Variants in ELAVL4 observed in about 807,000 individuals in gnomAD.
ELAVL4 encodes ELAV-like protein 4.
Under a neutral mutation model 35.6 loss-of-function variants are expected in ELAVL4, and 1 was observed. The ratio of observed to expected loss-of-function variants is 0.03; its 90% CI spans 0.01 to 0.13. The LOEUF is 0.13. ELAVL4 is among the 10% of genes least tolerant of loss of function. The pLI is 1.00. For synonymous variants in ELAVL4, 156 were observed against 171.0 expected (o/e 0.91, Z 0.69); for missense variants, 267 against 464.9 (o/e 0.57, Z 3.91).
intron 2 of ELAVL4, among the ~76,000 whole-genome samples, chr1:50,150,338 C>A (rs1054142750): frequency 6.6e-6 from 1 of 152,150 alleles, no homozygotes; most frequent in Non-Finnish European, 1.5e-5. Flanking sequence ...AAGAATAAGG[C>A]CAAATAAATG....
intron 4 of ELAVL4, among the ~76,000 whole-genome samples, chr1:50,194,605 G>T (rs1309572767): frequency 6.6e-6 from 1 of 152,192 alleles, no homozygotes; most frequent in Non-Finnish European, 1.5e-5. Flanking sequence ...CTTCACAGAA[G>T]TCTGCTCTGC....
intron 1 of ELAVL4, among the ~76,000 whole-genome samples, chr1:50,097,520 A>G (rs1342846587): frequency 6.6e-6 from 1 of 152,080 alleles, no homozygotes; most frequent in Non-Finnish European, 1.5e-5. Flanking sequence ...CAGAGAGGAG[A>G]AGTGGTTTGC....
At chr1:50,083,518 C>T (rs1665101808) in intron 1 of ELAVL4, among the ~76,000 whole-genome samples, 1 of 152,316 alleles carries the variant, frequency 6.6e-6, no homozygotes, top group African/African-American at 2.4e-5. Context: ...GACTTCAAAG[C>T]TCCTTCCTCT....
intron 1 of ELAVL4, among the ~76,000 whole-genome samples, chr1:50,088,586 G>T (rs761201955): frequency 6.6e-6 from 1 of 152,070 alleles, no homozygotes; most frequent in Non-Finnish European, 1.5e-5. Flanking sequence ...ATTCAATCTC[G>T]GACAAAGTAA....
At chr1:50,127,903 T>C (rs1211945565) in intron 1 of ELAVL4, among the ~76,000 whole-genome samples, 2 of 152,206 alleles carry the variant, frequency 1.3e-5, no homozygotes, top group Non-Finnish European at 2.9e-5. Flanking sequence ...AGTGATTATG[T>C]GATAATTTAT....
intron 2 of ELAVL4, among the ~76,000 whole-genome samples, chr1:50,154,120 T>C (rs531599807): frequency 4.5e-4 from 68 of 152,362 alleles, no homozygotes; most frequent in African/African-American, 1.6e-3. Flanking sequence ...TAAATGGGGA[T>C]ACCACCTTTG....
intron 3 of ELAVL4, among the ~76,000 whole-genome samples, chr1:50,193,414 C>T (rs1682977398): frequency 6.7e-6 from 1 of 149,112 alleles, no homozygotes; most frequent in Non-Finnish European, 1.5e-5. Context: ...GTGTTGGATA[C>T]AGTAAATCAT....
chr1:50,158,409 T>TTGTG (rs141113225), intron 2 of ELAVL4, among the ~76,000 whole-genome samples: 1 of 150,912 alleles, frequency 6.6e-6, no homozygotes, highest in Admixed American at 6.6e-5. Flanking sequence ...GATACTCTGT[T>TTGTG]TGTGTGTGTG....
At chr1:50,103,840 C>T (rs1666112318), upstream of ELAVL4, 15 of 1,485,062 alleles carry the variant, frequency 1.0e-5, no homozygotes, top group Non-Finnish European at 1.3e-5. Flanking sequence ...AGAGGTAATC[C>T]AGACAGCCGG....
chr1:50,201,043 G>A lies in ELAVL4; in HGVS notation c.966G>A (p.Lys322=). Residue 322 remains lysine, a synonymous_variant, in exon 7 of 7, where the codon AAG becomes AAA. Coordinates refer to ENST00000371824, the MANE Select transcript of ELAVL4 (RefSeq NM_001144774.3). The surrounding 1 kb of genome is among the most constrained non-coding windows in gnomAD (Gnocchi z 4.3). ...TGATTCGTGACTTCAACACCAACAA[G>A]TGCAAGGGATTCGGCTTTGTCACCA... ...VKVIRDFNTN[K]CKGFGFVTMT... 6.2e-7 allele frequency: 1 copy of A among 1,614,094 alleles called. No individual in the cohort carries two copies. The highest frequency in any genetic ancestry group is 8.5e-7 in the Non-Finnish European group (1 of 1,179,986).
chr1:50,064,758 C>T (rs1387574022), intron 1 of ELAVL4, among the ~76,000 whole-genome samples: 2 of 152,228 alleles, frequency 1.3e-5, no homozygotes, highest in African/African-American at 4.8e-5. Context: ...ACTTTTCTCT[C>T]ACTCCACTTT....
At chr1:50,050,228 A>G (rs1461978090) in intron 1 of ELAVL4, among the ~76,000 whole-genome samples, 1 of 152,254 alleles carries the variant, frequency 6.6e-6, no homozygotes, top group African/African-American at 2.4e-5. Context: ...ATGGGCATTC[A>G]GTAAATACTG....
intron 2 of ELAVL4, among the ~76,000 whole-genome samples, chr1:50,169,769 A>G (rs1015080956): frequency 1.3e-5 from 2 of 152,144 alleles, no homozygotes; most frequent in Non-Finnish European, 2.9e-5. Flanking sequence ...CTCCACCTCC[A>G]TGAAGCCTTC....
chr1:50,063,428 A>G (rs1389900841), intron 1 of ELAVL4, among the ~76,000 whole-genome samples: 4 of 152,026 alleles, frequency 2.6e-5, no homozygotes, highest in African/African-American at 9.7e-5. Flanking sequence ...CCTTTCTCCT[A>G]TGCTACTGCC....
chr1:50,109,902 T>C, intron 1 of ELAVL4: 1 of 1,611,816 alleles, frequency 6.2e-7, no homozygotes, highest in South Asian at 1.1e-5. Flanking sequence ...TTTCCGCTTT[T>C]GACACACTGT....
intron 3 of ELAVL4, among the ~76,000 whole-genome samples, chr1:50,182,221 CA>C (rs1197076334): frequency 6.6e-6 from 1 of 152,180 alleles, no homozygotes; most frequent in Non-Finnish European, 1.5e-5. Flanking sequence ...TAATCAGGAA[CA>C]AAGAAAATTA....
At chr1:50,194,199 G>A (rs1034252359) in intron 4 of ELAVL4, among the ~76,000 whole-genome samples, 23 of 152,198 alleles carry the variant, frequency 1.5e-4, no homozygotes, top group African/African-American at 5.1e-4. Context: ...GAGTGGAACT[G>A]TATGACCTTC....
chr1:50,181,440 C>T (rs1035703780), intron 3 of ELAVL4: 6 of 152,358 alleles, frequency 3.9e-5, no homozygotes. Flanking sequence ...TTAGGTGAAT[C>T]AGAAATGACA....
chr1:50,165,227 C>T (rs1248718689), intron 2 of ELAVL4, among the ~76,000 whole-genome samples: 1 of 152,120 alleles, frequency 6.6e-6, no homozygotes, highest in Non-Finnish European at 1.5e-5. Flanking sequence ...ATGCCAAGCA[C>T]GTTCCTGCTT....
Sources: allele counts gnomAD v4.1 joint callset (sites outside exome capture counted in the v4.1 genomes callset), GRCh38; gene constraint gnomAD v4.1.1; non-coding constraint Gnocchi (gnomAD v3.1); transcripts MANE v1.5; gene names NCBI Gene and HGNC (gene_info 2026-07-23, HGNC 2026-07-21).